NEBL: variants seen among roughly 807,000 people sequenced by gnomAD.
NEBL encodes the protein LIM and SH3 protein 2.
NEBL carries 122 observed loss-of-function variants against 140.2 expected under a neutral mutation model. The observed-to-expected ratio is 0.87, with a 90% CI of 0.75 to 1.01. The LOEUF (loss-of-function observed/expected upper bound fraction) is 1.01. Among genes scored for constraint, NEBL ranks in the 50% least tolerant of loss-of-function variants. The pLI is 0.00. For synonymous variants in NEBL, 436 were observed against 398.9 expected, an observed-to-expected ratio of 1.09 and a Z score of -1.11; for missense variants, 1,365 against 1,231.3, an observed-to-expected ratio of 1.11 and a Z score of -1.62.
At chr10:20,836,163 A>G (rs1001965138) in intron 13 of NEBL, among the ~76,000 whole-genome samples, 1 of 149,610 alleles carries the variant, frequency 6.7e-6, no homozygotes, top group African/African-American at 2.5e-5. Context: ...ATGTGCTTAC[A>G]TGGTGTCTCG....
At position 21,173,143 on chromosome 10, in the gene NEBL, AG is replaced by A. The variant is rs1386498504; in HGVS notation, c.69+621del. On this transcript the variant is annotated intron_variant, in intron 1 of 6. Coordinates refer to the NEBL transcript ENST00000417816. The surrounding 1 kb of genome is among the most constrained non-coding windows in gnomAD (Gnocchi z 5.7). ...ATCTCCGTCCCTGCCCGGGAAGGGC[AG>A]GGGGCAGGGCTGGAGGGGCCCGGCT... 1.3e-5 allele frequency among the ~76,000 whole-genome samples: 2 copies of A among 151,980 alleles called. No homozygotes were observed. The highest frequency in any genetic ancestry group is 4.8e-5 in the African/African-American group (2 of 41,424).
chr10:21,243,938 AGGGAAG>A lies in NEBL; in HGVS notation n.348+3977_348+3982del, dbSNP rs56105656. Reference sequence around the variant, plus strand: ...AGGCGAAAGGGAAAGGGAAAGGGAAAGGGAAGGGGAAGGGGAAGAGGACGGAAGGGA... The same window carrying A: ...AGGCGAAAGGGAAAGGGAAAGGGAAAGGGAAGGGGAAGAGGACGGAAGGGA... On this transcript the variant is annotated intron_variant and non_coding_transcript_variant, in intron 3 of 8. Transcript: ENST00000675702. Among the ~76,000 whole-genome samples, 6 of 136,286 alleles carry A rather than the reference AGGGAAG, an allele frequency of 4.4e-5. No homozygotes were observed. In the East Asian group the frequency reaches 8.9e-4, roughly 20 times the overall value. The allele number at this position is 136,286 out of a possible 152,430, so 89.4% of individuals were successfully genotyped here.
intron 4 of NEBL, among the ~76,000 whole-genome samples, chr10:20,924,488 C>T (rs567254522): frequency 2.2e-5 from 3 of 137,966 alleles, no homozygotes; most frequent in East Asian, 2.2e-4. Context: ...ATAAGCTCCT[C>T]GGAAGAGAAA....
chr10:20,793,107 C>T (rs1836161643), intron 26 of NEBL, among the ~76,000 whole-genome samples: 1 of 152,144 alleles, frequency 6.6e-6, no homozygotes. Context: ...CAGATTGCCT[C>T]TAGATTTTAG....
Position 20,996,332 on chromosome 10 carries a change from G to T in NEBL, c.249+23785C>A, listed in dbSNP as rs917507997. Among the ~76,000 whole-genome samples, 4 of 152,164 alleles carry T rather than the reference G, an allele frequency of 2.6e-5. No homozygotes were observed. The East Asian group carries it at 5.8e-4, about 22-fold the overall frequency. On this transcript the variant is annotated intron_variant, in intron 3 of 6. Transcript: ENST00000417816. ...TGCAATTGCCATCCCACTCCCAAAT[G>T]TAAGAATAACAGCTGTCATTTTCAA...
chr10:21,176,681 C>T (rs1026992547), upstream of NEBL, among the ~76,000 whole-genome samples: 11 of 152,248 alleles, frequency 7.2e-5, no homozygotes, highest in Non-Finnish European at 1.0e-4. Flanking sequence ...CTTTTTCACT[C>T]GACTGGTTAA....
At chr10:20,940,399 T>C (rs1208065990) in intron 4 of NEBL, among the ~76,000 whole-genome samples, 87 of 145,588 alleles carry the variant, frequency 6.0e-4, no homozygotes, top group African/African-American at 1.6e-3. Flanking sequence ...AGAACAAAGA[T>C]ACAACATACC....
chr10:21,166,241 AAAAAGAAAAG>A (rs1286512109), intron 2 of NEBL, among the ~76,000 whole-genome samples: 13 of 103,340 alleles, frequency 1.3e-4, no homozygotes, highest in Non-Finnish European at 1.5e-4. Flanking sequence ...AAAAAAAAAA[AAAAAGAAAAG>A]AAAAAAAAAT....
chr10:20,829,985 TG>T (rs1840252018), intron 16 of NEBL, among the ~76,000 whole-genome samples: 1 of 152,172 alleles, frequency 6.6e-6, no homozygotes, highest in African/African-American at 2.4e-5. Context: ...CTGACTCAAA[TG>T]TCTATTTGTT....
At chr10:21,033,570 T>C (rs1357708034) in intron 2 of NEBL, among the ~76,000 whole-genome samples, 1 of 151,962 alleles carries the variant, frequency 6.6e-6, no homozygotes, top group Non-Finnish European at 1.5e-5. Flanking sequence ...AATTGTCCCA[T>C]CTCTACTAAA....
At chr10:20,797,842 T>C (rs1302946387) in intron 26 of NEBL, among the ~76,000 whole-genome samples, 3 of 152,100 alleles carry the variant, frequency 2.0e-5, no homozygotes, top group Non-Finnish European at 4.4e-5. Flanking sequence ...GTTCCATGCC[T>C]GTAATCCCAG....
chr10:20,820,547 C>T (rs1045331373), intron 19 of NEBL, among the ~76,000 whole-genome samples: 4 of 152,134 alleles, frequency 2.6e-5, no homozygotes, highest in Admixed American at 6.5e-5. Flanking sequence ...GACTTGAGGT[C>T]GGGTTTGGTG....
chr10:21,275,662 CAG>C (rs1349076803), intron 1 of NEBL, among the ~76,000 whole-genome samples: 80 of 117,540 alleles, frequency 6.8e-4, no homozygotes, highest in African/African-American at 2.6e-3. Flanking sequence ...TTTTTTGAGA[CAG>C]AGTTTTGCTC....
chr10:21,253,505 T>G (rs1342143754), intron 1 of NEBL, among the ~76,000 whole-genome samples: 1 of 151,282 alleles, frequency 6.6e-6, no homozygotes, highest in East Asian at 1.9e-4. Context: ...ATTTATAGAG[T>G]ACTTAGTGGG....
chr10:21,289,879 G>A (rs1843119806), intron 1 of NEBL, among the ~76,000 whole-genome samples: 1 of 152,226 alleles, frequency 6.6e-6, no homozygotes, highest in African/African-American at 2.4e-5. Flanking sequence ...CTTGCCTGTT[G>A]TCTGTGGCTG....
At chr10:21,227,495 C>T (rs886566978) in intron 3 of NEBL, among the ~76,000 whole-genome samples, 5 of 152,196 alleles carry the variant, frequency 3.3e-5, no homozygotes, top group Non-Finnish European at 5.9e-5. Context: ...AATGGTTTCC[C>T]GATAAAAGGA....
At chr10:20,875,006 T>G (rs546542342) in intron 5 of NEBL, among the ~76,000 whole-genome samples, 8 of 152,324 alleles carry the variant, frequency 5.3e-5, no homozygotes, top group Middle Eastern at 3.4e-3. Context: ...CCCAACGTGC[T>G]AGGATTACAG....
At chr10:21,288,850 A>ATATATATATAT (rs1554836851) in intron 1 of NEBL, among the ~76,000 whole-genome samples, 60 of 73,344 alleles carry the variant, frequency 8.2e-4, no homozygotes, top group African/African-American at 1.6e-3. Context: ...ATATATATAT[A>ATATATATATAT]AAAATTTTTT....
intron 2 of NEBL, among the ~76,000 whole-genome samples, chr10:21,114,041 C>T (rs947588953): frequency 6.6e-6 from 1 of 152,010 alleles, no homozygotes; most frequent in African/African-American, 2.4e-5. Context: ...TAATATAATA[C>T]ACTTTTAATG....
Sources: gnomAD v4.1 joint callset for allele counts (sites outside exome capture counted in the v4.1 genomes callset) on GRCh38, gnomAD v4.1.1 for gene constraint, Gnocchi (gnomAD v3.1) non-coding constraint, MANE v1.5 for transcripts, NCBI Gene and HGNC (gene_info 2026-07-23, HGNC 2026-07-21) for gene names.